Variants in MGST2 observed in about 807,000 individuals in gnomAD.
MGST2 encodes the protein glutathione peroxidase MGST2.
A neutral mutation model predicts 16.6 loss-of-function variants in MGST2; 9 were observed. That is an observed-to-expected ratio of 0.54 (90% confidence interval 0.33 to 0.95). MGST2 has a LOEUF of 0.95. MGST2 is among the 40% of genes least tolerant of loss of function. The pLI is 0.03. For synonymous variants in MGST2, 79 were observed against 68.0 expected (o/e 1.16, Z -0.79); for missense variants, 159 against 175.1 (o/e 0.91, Z 0.52).
chr4:139,716,125 C>CA (rs1560763621), intron 5 of MGST2, among the ~76,000 whole-genome samples: 1 of 152,152 alleles, frequency 6.6e-6, no homozygotes, highest in African/African-American at 2.4e-5. Flanking sequence ...AGCTCTGGAG[C>CA]AAAATTATAT....
intron 5 of MGST2, among the ~76,000 whole-genome samples, chr4:139,709,471 G>C (rs933318747): frequency 1.3e-5 from 2 of 152,136 alleles, no homozygotes. Context: ...ATTATATCGT[G>C]GCTAGAGAAG....
At chr4:139,722,316 A>G (rs560724490) in intron 5 of MGST2, among the ~76,000 whole-genome samples, 1 of 152,112 alleles carries the variant, frequency 6.6e-6, no homozygotes, top group Non-Finnish European at 1.5e-5. Flanking sequence ...ATTCTTTTTC[A>G]CCTAAGGGAA....
chr4:139,717,059 A>AT (rs1287465003), intron 5 of MGST2: 1 of 152,402 alleles, frequency 6.6e-6, no homozygotes. Flanking sequence ...TTATATGTAT[A>AT]TTTTTTACAG....
chr4:139,720,074 C>T (rs1728169663), intron 5 of MGST2: 1 of 1,613,960 alleles, frequency 6.2e-7, no homozygotes, highest in Non-Finnish European at 8.5e-7. Flanking sequence ...GATGCTCATG[C>T]CACTTTGGTT....
the MGST2 span, among the ~76,000 whole-genome samples, chr4:139,750,719 C>G: frequency 2.0e-5 from 3 of 152,166 alleles, no homozygotes; most frequent in Non-Finnish European, 4.4e-5. Flanking sequence ...TTTGTATATT[C>G]TACCTAAAAA....
chr4:139,730,747 G>A, intron 5 of MGST2: 5 of 1,341,756 alleles, frequency 3.7e-6, no homozygotes, highest in Non-Finnish European at 3.1e-6. Context: ...CCTGGAAAAA[G>A]GGAACGGGGC....
At chr4:139,703,265 C>A (rs1415541977) in intron 3 of MGST2, among the ~76,000 whole-genome samples, 190 bp from the exon 4 acceptor site, 1 of 152,086 alleles carries the variant, frequency 6.6e-6, no homozygotes, top group Non-Finnish European at 1.5e-5. Context: ...GATGTTGAAT[C>A]ATGTTGAAAC....
chr4:139,751,366 T>C, the MGST2 span, among the ~76,000 whole-genome samples: 1 of 152,224 alleles, frequency 6.6e-6, no homozygotes, highest in African/African-American at 2.4e-5. Flanking sequence ...ATCTTGGGAA[T>C]GGGACCCAAG....
chr4:139,683,317 G>C (rs1244216312), intron 2 of MGST2, among the ~76,000 whole-genome samples: 1 of 152,164 alleles, frequency 6.6e-6, no homozygotes, highest in Non-Finnish European at 1.5e-5. Flanking sequence ...TGAAGTGTGA[G>C]AACAGTCAAG....
intron 5 of MGST2, among the ~76,000 whole-genome samples, chr4:139,714,879 C>T (rs1727881729): frequency 2.6e-5 from 4 of 152,114 alleles, no homozygotes; most frequent in Admixed American, 2.6e-4. Context: ...TCAAATTTCC[C>T]TTGTTAGGGA....
At chr4:139,729,043 C>T (rs530070616) in intron 5 of MGST2, among the ~76,000 whole-genome samples, 20 of 151,192 alleles carry the variant, frequency 1.3e-4, no homozygotes, top group Admixed American at 2.6e-4. Context: ...GGCTCCTTGT[C>T]GCACACCTTA....
At chr4:139,743,296 G>A (rs1729221628), downstream of MGST2, among the ~76,000 whole-genome samples, 1 of 152,228 alleles carries the variant, frequency 6.6e-6, no homozygotes, top group Non-Finnish European at 1.5e-5. Flanking sequence ...AGGACAGGGA[G>A]ATCTAACCTG....
At chr4:139,673,139 G>A (rs1177871498) in intron 1 of MGST2, among the ~76,000 whole-genome samples, 1 of 152,164 alleles carries the variant, frequency 6.6e-6, no homozygotes, top group Admixed American at 6.5e-5. Flanking sequence ...CAGATATTGA[G>A]GTACTAAAAC....
chr4:139,683,188 T>C (rs1322605413), intron 2 of MGST2, among the ~76,000 whole-genome samples: 1 of 152,248 alleles, frequency 6.6e-6, no homozygotes, highest in East Asian at 1.9e-4. Flanking sequence ...CAGGGACCCT[T>C]GGCTGTCTCC....
chr4:139,704,270 C>G, downstream of MGST2: 1 of 1,245,032 alleles, frequency 8.0e-7, no homozygotes, highest in Admixed American at 1.9e-5. Context: ...TGTAGAAACA[C>G]ACACTTTAGA....
chr4:139,684,087 G>C (rs1274098673), intron 2 of MGST2, among the ~76,000 whole-genome samples: 1 of 152,024 alleles, frequency 6.6e-6, no homozygotes, highest in African/African-American at 2.4e-5. Flanking sequence ...ACCATGCCTA[G>C]CTAATTTTTT....
intron 5 of MGST2, chr4:139,719,641 C>G: frequency 1.2e-6 from 2 of 1,612,352 alleles, no homozygotes; most frequent in Non-Finnish European, 1.7e-6. Flanking sequence ...GCCCCGGGAG[C>G]GATGGCATCA....
At chr4:139,725,049 G>A (rs796741075) in intron 5 of MGST2, among the ~76,000 whole-genome samples, 32 of 152,248 alleles carry the variant, frequency 2.1e-4, no homozygotes, top group African/African-American at 7.5e-4. Flanking sequence ...GTGAGCCACC[G>A]CACCCGGCCA....
chr4:139,741,546 C>G (rs1231176425), downstream of MGST2, among the ~76,000 whole-genome samples: 1 of 151,886 alleles, frequency 6.6e-6, no homozygotes, highest in Non-Finnish European at 1.5e-5. Flanking sequence ...GAGTTCAGTT[C>G]AGGACCAGCC....
Sources: allele counts gnomAD v4.1 joint callset (sites outside exome capture counted in the v4.1 genomes callset), GRCh38; gene constraint gnomAD v4.1.1; transcripts MANE v1.5; gene names NCBI Gene and HGNC (gene_info 2026-07-23, HGNC 2026-07-21).